STK33: variants seen among roughly 807,000 people sequenced by gnomAD.
STK33 encodes serine/threonine kinase 33.
Under a neutral mutation model 58.0 loss-of-function variants are expected in STK33, and 52 were observed. The observed-to-expected ratio is 0.90, with a 90% confidence interval of 0.72 to 1.13. STK33 has a LOEUF of 1.13. Ranked by LOEUF, STK33 falls within the 50% of genes most tolerant of loss-of-function variation. The pLI is 0.00. For missense variants in STK33, 630 were observed against 604.2 expected, an observed-to-expected ratio of 1.04 and a Z score of -0.45; for synonymous variants, 215 against 200.1, an observed-to-expected ratio of 1.07 and a Z score of -0.63.
At chr11:8,512,873 A>G (rs1052618973) in intron 1 of STK33, among the ~76,000 whole-genome samples, 6 of 152,014 alleles carry the variant, frequency 3.9e-5, no homozygotes, top group African/African-American at 9.7e-5. Context: ...CTTTCTTCCT[A>G]TTGTGCCTTA....
At chr11:8,373,137 G>A in the STK33 span, among the ~76,000 whole-genome samples, 7 of 152,256 alleles carry the variant, frequency 4.6e-5, no homozygotes, top group Admixed American at 2.6e-4. Context: ...CTCACCCTCC[G>A]GGAGGCTGGT....
At chr11:8,491,923 C>T (rs1412878461) in intron 1 of STK33, among the ~76,000 whole-genome samples, 1 of 152,110 alleles carries the variant, frequency 6.6e-6, no homozygotes, top group South Asian at 2.1e-4. Context: ...CAGGCCTGCC[C>T]TAAAAGAGCT....
the STK33 span, among the ~76,000 whole-genome samples, chr11:8,363,879 G>A: frequency 6.6e-6 from 1 of 152,174 alleles, no homozygotes; most frequent in South Asian, 2.1e-4. Context: ...GAGACATTAA[G>A]AATTAAAGTG....
At chr11:8,465,251 G>GT (rs1374548876) in intron 6 of STK33, 1 of 151,984 alleles carries the variant, frequency 6.6e-6, no homozygotes, top group East Asian at 1.9e-4. Flanking sequence ...TCGACACATA[G>GT]TAACTACTGA....
At chr11:8,395,710 T>G (rs935552963) in intron 15 of STK33, among the ~76,000 whole-genome samples, 3 of 152,342 alleles carry the variant, frequency 2.0e-5, no homozygotes, top group Admixed American at 2.0e-4. Flanking sequence ...TTAACCAGTC[T>G]CTTCACAATG....
chr11:8,428,713 A>G (rs1160250345), intron 14 of STK33, among the ~76,000 whole-genome samples: 1 of 152,186 alleles, frequency 6.6e-6, no homozygotes, highest in African/African-American at 2.4e-5. Flanking sequence ...ATTGCTGAAT[A>G]TTGTCTCATT....
chr11:8,558,459 T>C (rs936294649), intron 1 of STK33, among the ~76,000 whole-genome samples: 2 of 152,116 alleles, frequency 1.3e-5, no homozygotes, highest in Non-Finnish European at 2.9e-5. Flanking sequence ...CATTTTTGTA[T>C]ATGTTAAATG....
At chr11:8,468,882 T>G (rs891881295) in intron 6 of STK33, among the ~76,000 whole-genome samples, 1 of 152,220 alleles carries the variant, frequency 6.6e-6, no homozygotes, top group Non-Finnish European at 1.5e-5. Flanking sequence ...ATAAAAGTTA[T>G]GTTTACACTA....
chr11:8,501,656 C>T (rs1036718061), intron 1 of STK33, among the ~76,000 whole-genome samples: 35 of 152,134 alleles, frequency 2.3e-4, no homozygotes, highest in Admixed American at 3.3e-4. Context: ...AAGTAAAACA[C>T]ATCTACCATA....
At chr11:8,522,483 A>G (rs529926622) in intron 1 of STK33, among the ~76,000 whole-genome samples, 7 of 150,762 alleles carry the variant, frequency 4.6e-5, no homozygotes, top group Non-Finnish European at 7.4e-5. Context: ...AAAAAAAAAG[A>G]ATGAAATTGG....
intron 10 of STK33, among the ~76,000 whole-genome samples, chr11:8,453,388 T>C (rs971778375): frequency 6.6e-6 from 1 of 152,228 alleles, no homozygotes; most frequent in South Asian, 2.1e-4. Context: ...TCCTTTTTTA[T>C]AATTATTTAT....
chr11:8,514,922 T>C (rs561768699), intron 1 of STK33, among the ~76,000 whole-genome samples: 48 of 151,782 alleles, frequency 3.2e-4, no homozygotes, highest in Admixed American at 2.4e-3. Context: ...ATCAAAGAAA[T>C]ACAGACAAGA....
Position 8,392,250 on chromosome 11 carries a change from C to T in STK33, c.*260G>A, listed in dbSNP as rs1474380232. 2.1e-6 allele frequency: 1 copy of T among 484,186 alleles called. No homozygotes were observed. Among genetic ancestry groups the T allele is most frequent in the Admixed American group, 3.7e-5 (1 of 26,960 alleles). The allele number at this position is 484,186 out of a possible 1,614,324, so 30.0% of individuals were successfully genotyped here. A position where few individuals can be genotyped will look rare whatever the true frequency, so the allele number is the denominator to read the frequency against. ...GAAGGTATCTGCCCCCCTAAAAAAC[C>T]TTCGTGTACATCTTGAGTTGATTTC... On this transcript the variant is annotated 3_prime_UTR_variant, in exon 16 of 16. Transcript: ENST00000687296.
intron 11 of STK33, among the ~76,000 whole-genome samples, chr11:8,448,034 T>C (rs182151695): frequency 2.0e-4 from 30 of 152,170 alleles, no homozygotes; most frequent in African/African-American, 5.3e-4. Flanking sequence ...CCATTCACAA[T>C]TGCTACAAAG....
At chr11:8,409,984 T>C (rs1021849604) in intron 15 of STK33, among the ~76,000 whole-genome samples, 2 of 152,066 alleles carry the variant, frequency 1.3e-5, no homozygotes, top group Non-Finnish European at 2.9e-5. Context: ...AGTTATACTT[T>C]TAACTATTAT....
chr11:8,470,812 T>C (rs767443037), intron 6 of STK33, among the ~76,000 whole-genome samples: 6 of 152,188 alleles, frequency 3.9e-5, no homozygotes, highest in Non-Finnish European at 7.3e-5. Context: ...TGCCATCTTA[T>C]ATGGGTGCAA....
At chr11:8,367,320 G>T in the STK33 span, among the ~76,000 whole-genome samples, 1 of 152,200 alleles carries the variant, frequency 6.6e-6, no homozygotes, top group East Asian at 1.9e-4. Flanking sequence ...GAGTGCGTGG[G>T]TATACATTGT....
chr11:8,579,441 A>C (rs1269290597), intron 1 of STK33, among the ~76,000 whole-genome samples: 2 of 152,064 alleles, frequency 1.3e-5, no homozygotes, highest in Non-Finnish European at 2.9e-5. Flanking sequence ...AGATCCTTTA[A>C]AATACAATGC....
intron 6 of STK33, among the ~76,000 whole-genome samples, chr11:8,470,977 G>A (rs1948722261): frequency 6.6e-6 from 1 of 152,166 alleles, no homozygotes; most frequent in South Asian, 2.1e-4. Context: ...TTGGAAAAAT[G>A]GCACCAACAG....
Sources: allele counts gnomAD v4.1 joint callset (sites outside exome capture counted in the v4.1 genomes callset), GRCh38; gene constraint gnomAD v4.1.1; transcripts MANE v1.5; gene names NCBI Gene and HGNC (gene_info 2026-07-23, HGNC 2026-07-21).